The following ST3GAL1 variants were observed in gnomAD, a reference collection of about 807,000 sequenced individuals.
ST3GAL1 encodes the protein ST3 beta-galactoside alpha-2,3-sialyltransferase 1, also known as CMP-N-acetylneuraminate-beta-galactosamide-alpha-2,3-sialyltransferase 1.
Under a neutral mutation model 34.1 loss-of-function variants are expected in ST3GAL1, and 16 were observed. That is an observed-to-expected ratio of 0.47 (90% CI 0.32 to 0.71). The LOEUF is 0.71. Ranked by LOEUF, ST3GAL1 falls within the 30% of genes least tolerant of loss-of-function variation. ST3GAL1 has a pLI of 0.04. For synonymous variants in ST3GAL1, 191 were observed against 184.7 expected, an observed-to-expected ratio of 1.03 and a Z score of -0.28; for missense variants, 353 against 447.4, an observed-to-expected ratio of 0.79 and a Z score of 1.90.
At chr8:133,540,838 G>GAGACATATATATAT (rs1818460954) in intron 2 of ST3GAL1, among the ~76,000 whole-genome samples, 3 of 94,168 alleles carry the variant, frequency 3.2e-5, no homozygotes, top group Non-Finnish European at 4.5e-5. Flanking sequence ...TATATATAGA[G>GAGACATATATATAT]AGACATATAT....
intron 2 of ST3GAL1, among the ~76,000 whole-genome samples, chr8:133,512,209 T>G (rs1223823165): frequency 6.6e-6 from 1 of 152,214 alleles, no homozygotes; most frequent in Non-Finnish European, 1.5e-5. Context: ...CAGCACAGCC[T>G]TCAGTCTGTG....
chr8:133,471,384 T>C (rs1044691755), intron 5 of ST3GAL1, among the ~76,000 whole-genome samples: 1 of 152,158 alleles, frequency 6.6e-6, no homozygotes, highest in African/African-American at 2.4e-5. Flanking sequence ...TGCTTAGAAA[T>C]GGCTCGTGCA....
At chr8:133,513,791 T>TG (rs996741633) in intron 2 of ST3GAL1, among the ~76,000 whole-genome samples, 1 of 151,366 alleles carries the variant, frequency 6.6e-6, no homozygotes, top group South Asian at 2.1e-4. Flanking sequence ...CCCAGCTACT[T>TG]GGGGGGCTGA....
Position 133,570,783 on chromosome 8 carries a change from T to A in ST3GAL1, c.-582+910A>T, listed in dbSNP as rs1338151614. On this transcript the variant is annotated intron_variant, in intron 1 of 9. Coordinates refer to ENST00000522652, the MANE Select transcript of ST3GAL1 (RefSeq NM_173344.3). This position sits in a 1 kb window ranked among gnomAD's most constrained non-coding sequence, Gnocchi z 5.6. ...CTAACTGTACCCTCACCAGAGCGCCTCGCCCCAGGGTCACCGCTGTCCGTC... is the reference window on the plus strand; with the variant it reads ...CTAACTGTACCCTCACCAGAGCGCCACGCCCCAGGGTCACCGCTGTCCGTC... 6.6e-6 allele frequency among the ~76,000 whole-genome samples: 1 copy of A among 152,122 alleles called. No homozygotes were observed. The highest frequency in any genetic ancestry group is 1.5e-5 in the Non-Finnish European group (1 of 68,008).
intron 2 of ST3GAL1, among the ~76,000 whole-genome samples, chr8:133,517,704 A>G (rs1586635196): frequency 2.0e-5 from 3 of 152,190 alleles, no homozygotes; most frequent in African/African-American, 4.8e-5. Context: ...GGACTTCTGG[A>G]AAGTCCTTAA....
intron 3 of ST3GAL1, among the ~76,000 whole-genome samples, chr8:133,496,298 A>G (rs3739258): frequency 0.13 from 20,034 of 152,222 alleles, 1,825 homozygotes; most frequent in East Asian, 0.52. Context: ...GCTTCTGGAA[A>G]TGAGTTTCTG....
chr8:133,536,587 G>A (rs1057338187), intron 2 of ST3GAL1, among the ~76,000 whole-genome samples: 8 of 152,194 alleles, frequency 5.3e-5, no homozygotes, highest in East Asian at 1.9e-4. Flanking sequence ...GCAGCCAGAC[G>A]GTCTTCCAAG....
rs182486665 is a variant in ST3GAL1, at chr8:133,466,863, C to G, written c.307-773G>C. ...CCTGTAATCCCAGCACTTTGGGAGA[C>G]CGAGGCAGGTGGATCACGAAGTCAG... On this transcript the variant is annotated intron_variant, in intron 5 of 9. Transcript: ENST00000522652. This position sits in a 1 kb window ranked among gnomAD's most constrained non-coding sequence, Gnocchi z 4.4. Among the ~76,000 whole-genome samples the G allele has an allele frequency of 6.6e-6, 1 of 152,154 alleles. No homozygotes were observed. The highest frequency in any genetic ancestry group is 6.5e-5 in the Admixed American group (1 of 15,276).
At chr8:133,561,347 T>TGTC (rs1409542462) in intron 1 of ST3GAL1, among the ~76,000 whole-genome samples, 1 of 152,090 alleles carries the variant, frequency 6.6e-6, no homozygotes, top group African/African-American at 2.4e-5. Flanking sequence ...GTGCCATGAA[T>TGTC]TCCTTGAGCT....
Position 133,466,503 on chromosome 8 carries a change from G to A in ST3GAL1, c.307-413C>T, listed in dbSNP as rs1313312484. Among the ~76,000 whole-genome samples, 1 of 152,154 alleles carries A rather than the reference G, an allele frequency of 6.6e-6. No homozygotes were observed. The highest frequency in any genetic ancestry group is 1.5e-5 in the Non-Finnish European group (1 of 68,034). On this transcript the variant is annotated intron_variant, in intron 5 of 9. Coordinates refer to ENST00000522652, the MANE Select transcript of ST3GAL1 (RefSeq NM_173344.3). The surrounding 1 kb of genome is among the most constrained non-coding windows in gnomAD (Gnocchi z 4.4). ...CCTACGTGTCACCACTTGAAAGAGA[G>A]AAAAATAGCAGAAGCCTTCTAGCTG...
At chr8:133,518,741 C>A (rs572316105) in intron 2 of ST3GAL1, among the ~76,000 whole-genome samples, 1 of 152,312 alleles carries the variant, frequency 6.6e-6, no homozygotes, top group South Asian at 2.1e-4. Context: ...CAGTACTATG[C>A]GCCAAACACT....
At position 133,539,337 on chromosome 8, in the gene ST3GAL1, G is replaced by A. The variant is rs781436352; in HGVS notation, c.-429+6437C>T. 8.7e-4 allele frequency among the ~76,000 whole-genome samples: 132 copies of A among 152,302 alleles called. 1 individual carries two copies. The highest frequency in any genetic ancestry group is 3.0e-3 in the African/African-American group (123 of 41,550). Reference sequence around the variant, plus strand: ...AACTCCCCTTGTGGCCAGCTCACCCGGCAGGCAGCAGGTAAGAGAAGGCAC... The same window carrying A: ...AACTCCCCTTGTGGCCAGCTCACCCAGCAGGCAGCAGGTAAGAGAAGGCAC... On this transcript the variant is annotated intron_variant, in intron 2 of 9. Coordinates refer to ENST00000522652, the MANE Select transcript of ST3GAL1 (RefSeq NM_173344.3).
intron 8 of ST3GAL1, 127 bp from the exon 9 acceptor site, chr8:133,462,121 T>C: frequency 2.9e-6 from 4 of 1,389,248 alleles, no homozygotes; most frequent in African/African-American, 1.4e-5. Flanking sequence ...ACGCCTGCAC[T>C]TGTGGGCTTC....
chr8:133,563,176 A>T (rs1209008033), intron 1 of ST3GAL1, among the ~76,000 whole-genome samples: 2 of 151,862 alleles, frequency 1.3e-5, no homozygotes, highest in African/African-American at 2.4e-5. Flanking sequence ...ATTGCATTTG[A>T]TCTTTTCTTT....
chr8:133,484,340 T>G (rs1007668015), intron 3 of ST3GAL1, among the ~76,000 whole-genome samples: 1 of 152,206 alleles, frequency 6.6e-6, no homozygotes, highest in Non-Finnish European at 1.5e-5. Context: ...ATTTAACAGA[T>G]GCTTAATACA....
At chr8:133,549,641 C>A (rs1196420123) in intron 1 of ST3GAL1, among the ~76,000 whole-genome samples, 3 of 151,800 alleles carry the variant, frequency 2.0e-5, no homozygotes, top group Non-Finnish European at 2.9e-5. Context: ...TTCCAACTGA[C>A]AAGTTTGCAA....
intron 2 of ST3GAL1, among the ~76,000 whole-genome samples, chr8:133,533,593 T>C (rs1052771597): frequency 6.6e-6 from 1 of 152,192 alleles, no homozygotes; most frequent in African/African-American, 2.4e-5. Context: ...TGTGCCCCAT[T>C]GGAGGCAGAT....
chr8:133,526,056 C>T (rs1817964496), intron 2 of ST3GAL1, among the ~76,000 whole-genome samples: 1 of 152,210 alleles, frequency 6.6e-6, no homozygotes. Flanking sequence ...TATGCCTCCC[C>T]TGCTGCAGCT....
At chr8:133,460,892 G>C (rs1282474335) in intron 9 of ST3GAL1, among the ~76,000 whole-genome samples, 1 of 152,200 alleles carries the variant, frequency 6.6e-6, no homozygotes, top group African/African-American at 2.4e-5. Context: ...TAGATTGGAG[G>C]GGTGGGGACA....
Sources: gnomAD v4.1 joint callset for allele counts (sites outside exome capture counted in the v4.1 genomes callset) on GRCh38, gnomAD v4.1.1 for gene constraint, Gnocchi (gnomAD v3.1) non-coding constraint, MANE v1.5 for transcripts, NCBI Gene and HGNC (gene_info 2026-07-23, HGNC 2026-07-21) for gene names.